SH3GL2: variants seen among roughly 807,000 people sequenced by gnomAD.
SH3GL2 encodes the protein endophilin-A1.
Under a neutral mutation model 46.0 loss-of-function variants are expected in SH3GL2, and 24 were observed. That is an observed-to-expected ratio of 0.52 (90% confidence interval 0.38 to 0.73). The LOEUF (loss-of-function observed/expected upper bound fraction) is 0.73, where lower values mean the gene tolerates loss of function less well. Among genes scored for constraint, SH3GL2 ranks in the 30% least tolerant of loss-of-function variants. SH3GL2 has a pLI of 0.00. For synonymous variants in SH3GL2, 196 were observed against 147.1 expected (o/e 1.33, Z -2.40); for missense variants, 413 against 424.2 (o/e 0.97, Z 0.23).
intron 1 of SH3GL2, among the ~76,000 whole-genome samples, chr9:17,743,049 A>G (rs1422383258): frequency 6.6e-6 from 1 of 152,246 alleles, no homozygotes; most frequent in African/African-American, 2.4e-5. Context: ...TAATAGCATC[A>G]AATAAACAGT....
At chr9:17,785,301 C>T (rs1267960827) in intron 3 of SH3GL2, among the ~76,000 whole-genome samples, 1 of 152,162 alleles carries the variant, frequency 6.6e-6, no homozygotes, top group African/African-American at 2.4e-5. Context: ...ATAGACTCTA[C>T]CCTCAGTTCA....
chr9:17,655,192 A>T (rs554822972), intron 1 of SH3GL2, among the ~76,000 whole-genome samples: 41 of 152,328 alleles, frequency 2.7e-4, no homozygotes, highest in African/African-American at 9.9e-4. Context: ...ACAGGTGAGA[A>T]GACTGTAATT....
chr9:17,735,337 G>T (rs1419878180), intron 1 of SH3GL2, among the ~76,000 whole-genome samples: 3 of 152,064 alleles, frequency 2.0e-5, no homozygotes, highest in Non-Finnish European at 4.4e-5. Flanking sequence ...TTTAATGTAT[G>T]AGTATAAGCA....
chr9:17,639,923 T>C (rs566646190), intron 1 of SH3GL2, among the ~76,000 whole-genome samples: 6 of 152,310 alleles, frequency 3.9e-5, no homozygotes, highest in Admixed American at 2.6e-4. Flanking sequence ...AAATTGAAAA[T>C]TGGCAAAACT....
At chr9:17,629,500 C>A (rs1819370853) in intron 1 of SH3GL2, among the ~76,000 whole-genome samples, 1 of 152,028 alleles carries the variant, frequency 6.6e-6, no homozygotes, top group Non-Finnish European at 1.5e-5. Flanking sequence ...TAACATTCTT[C>A]CAAAAAACAA....
intron 1 of SH3GL2, among the ~76,000 whole-genome samples, chr9:17,744,527 A>G (rs1822625302): frequency 6.6e-6 from 1 of 151,926 alleles, no homozygotes; most frequent in Non-Finnish European, 1.5e-5. Flanking sequence ...TACCATGTTC[A>G]ACTAATTTAT....
At chr9:17,689,156 A>G (rs939974414) in intron 1 of SH3GL2, among the ~76,000 whole-genome samples, 1 of 152,096 alleles carries the variant, frequency 6.6e-6, no homozygotes, top group African/African-American at 2.4e-5. Context: ...TCCCACCTCT[A>G]GTCTCATCAT....
At chr9:17,746,882 C>G (rs1429267227) in intron 1 of SH3GL2, among the ~76,000 whole-genome samples, 184 bp from the exon 2 acceptor site, 1 of 152,144 alleles carries the variant, frequency 6.6e-6, no homozygotes, top group African/African-American at 2.4e-5. Flanking sequence ...GATGCATAGC[C>G]TTTAGTAAGT....
intron 1 of SH3GL2, among the ~76,000 whole-genome samples, chr9:17,692,897 G>A (rs1362924905): frequency 6.6e-6 from 1 of 151,970 alleles, no homozygotes; most frequent in African/African-American, 2.4e-5. Flanking sequence ...TGAGGAAGAA[G>A]CAAAAGTGGA....
chr9:17,655,934 C>T (rs1053896427), intron 1 of SH3GL2, among the ~76,000 whole-genome samples: 2 of 152,182 alleles, frequency 1.3e-5, no homozygotes, highest in South Asian at 4.1e-4. Context: ...AAGAAAAGTG[C>T]TTTTAAAGCC....
At chr9:17,662,015 G>C (rs145261875) in intron 1 of SH3GL2, among the ~76,000 whole-genome samples, 2 of 152,246 alleles carry the variant, frequency 1.3e-5, no homozygotes, top group East Asian at 3.9e-4. Context: ...AATATACCCA[G>C]TATAATTTTA....
At chr9:17,768,276 C>A (rs1823373328) in intron 3 of SH3GL2, among the ~76,000 whole-genome samples, 1 of 146,364 alleles carries the variant, frequency 6.8e-6, no homozygotes. Flanking sequence ...GAGGCTGAGG[C>A]AGGAGAATGG....
intron 1 of SH3GL2, among the ~76,000 whole-genome samples, chr9:17,613,057 G>A (rs1405947992): frequency 6.6e-6 from 1 of 152,010 alleles, no homozygotes; most frequent in Non-Finnish European, 1.5e-5. Flanking sequence ...TTTATTTTGA[G>A]CAAGAATACA....
Position 17,743,942 on chromosome 9 carries a change from A to T in SH3GL2, c.46-3124A>T, listed in dbSNP as rs139272568. On this transcript the variant is annotated intron_variant, in intron 1 of 8. Coordinates refer to ENST00000380607, the MANE Select transcript of SH3GL2 (RefSeq NM_003026.5). ...ATATTTCCTTGTGTGTCTGTTTTTT[A>T]AATGAAATTAAATATCACAGGTCAC... Among the ~76,000 whole-genome samples the T allele has an allele frequency of 3.6e-3, 543 of 152,312 alleles. 4 individuals carry two copies. Among genetic ancestry groups the T allele is most frequent in the Middle Eastern group, 0.014 (4 of 294 alleles).
At chr9:17,607,803 G>C (rs190456496) in intron 1 of SH3GL2, among the ~76,000 whole-genome samples, 142 of 152,238 alleles carry the variant, frequency 9.3e-4, no homozygotes, top group African/African-American at 3.2e-3. Context: ...ATCCGTAGCA[G>C]AATTGCCTAG....
intron 1 of SH3GL2, among the ~76,000 whole-genome samples, chr9:17,650,009 C>G (rs1273933377): frequency 2.6e-5 from 4 of 152,156 alleles, no homozygotes; most frequent in Admixed American, 6.5e-5. Flanking sequence ...TAACCACCAG[C>G]TTTTATTTAG....
chr9:17,650,526 C>T (rs1010122547), intron 1 of SH3GL2, among the ~76,000 whole-genome samples: 4 of 152,128 alleles, frequency 2.6e-5, no homozygotes, highest in African/African-American at 9.7e-5. Context: ...CGTGTGCCAC[C>T]ACGCCTGGCT....
At chr9:17,599,229 C>T (rs963748815) in intron 1 of SH3GL2, among the ~76,000 whole-genome samples, 1 of 152,072 alleles carries the variant, frequency 6.6e-6, no homozygotes, top group African/African-American at 2.4e-5. Flanking sequence ...ACTTTCTAAA[C>T]ATAACATATC....
At chr9:17,762,925 A>C in intron 3 of SH3GL2, among the ~76,000 whole-genome samples, 1 of 152,142 alleles carries the variant, frequency 6.6e-6, no homozygotes, top group East Asian at 1.9e-4. Context: ...AGGGGCAAGA[A>C]GTTTTGGTCT....
Sources: gnomAD v4.1 joint callset for allele counts (sites outside exome capture counted in the v4.1 genomes callset) on GRCh38, gnomAD v4.1.1 for gene constraint, MANE v1.5 for transcripts, NCBI Gene and HGNC (gene_info 2026-07-23, HGNC 2026-07-21) for gene names.